Variants in CHIC1 observed in about 807,000 individuals in gnomAD.
CHIC1 encodes cysteine rich hydrophobic domain 1, also known as cysteine-rich hydrophobic domain-containing protein 1.
Under a neutral mutation model 18.5 loss-of-function variants are expected in CHIC1, and 7 were observed. The observed-to-expected ratio is 0.38, with a 90% CI of 0.22 to 0.71. CHIC1 has a LOEUF of 0.71. Ranked by LOEUF, CHIC1 falls within the 30% of genes least tolerant of loss-of-function variation. CHIC1 has a pLI of 0.49. For synonymous variants in CHIC1, 77 were observed against 73.5 expected, an observed-to-expected ratio of 1.05 and a Z score of -0.25; for missense variants, 159 against 176.9, an observed-to-expected ratio of 0.90 and a Z score of 0.57.
rs1271474761 is a variant in CHIC1, at chrX:73,682,090, AAGAG to A, written c.*1091_*1094del. On this transcript the variant is annotated 3_prime_UTR_variant, in exon 6 of 6. Transcript: ENST00000373502. ...GCAGTTCTGATATTCTAGTTTGAGAAAGAGAGAGAACTATTTGAGAAGCTGTAGC... is the reference window on the plus strand; with the variant it reads ...GCAGTTCTGATATTCTAGTTTGAGAAAGAGAACTATTTGAGAAGCTGTAGC... The A allele has an allele frequency of 2.7e-5, 3 of 111,543 alleles. No individual in the cohort carries two copies. Among genetic ancestry groups the A allele is most frequent in the South Asian group, 3.7e-4 (1 of 2,710 alleles). The allele number at this position is 111,543 out of a possible 1,213,427, so 9.2% of individuals were successfully genotyped here. A position where few individuals can be genotyped will look rare whatever the true frequency, so the allele number is the denominator to read the frequency against.
At chrX:73,676,884 T>A (rs1332260254) in intron 3 of CHIC1, among the ~76,000 whole-genome samples, 1 of 111,651 alleles carries the variant, frequency 9.0e-6, no homozygotes, top group Non-Finnish European at 1.9e-5. Flanking sequence ...TGGTCTTTGA[T>A]GATGGTCACG....
intron 3 of CHIC1, among the ~76,000 whole-genome samples, chrX:73,589,539 ATGT>A (rs201207039): frequency 0.15 from 16,190 of 110,020 alleles, 988 homozygotes; most frequent in Non-Finnish European, 0.16. Context: ...CTCCCCTTTT[ATGT>A]TGTTGTTATC....
intron 3 of CHIC1, among the ~76,000 whole-genome samples, chrX:73,630,649 G>A (rs752469905): frequency 1.8e-5 from 2 of 111,622 alleles, no homozygotes; most frequent in South Asian, 7.5e-4. Flanking sequence ...CTGATATTGT[G>A]TTCAAGATTT....
chrX:73,685,078 T>G lies in CHIC1; in HGVS notation c.*4073T>G, dbSNP rs1181519980. The G allele has an allele frequency of 9.0e-6, 1 of 111,667 alleles. No individual in the cohort carries two copies. Among genetic ancestry groups the G allele is most frequent in the African/African-American group, 3.2e-5 (1 of 30,794 alleles). 9.2% of individuals were successfully genotyped at this position (111,667 alleles called of 1,213,427 possible). On this transcript the variant is annotated 3_prime_UTR_variant, in exon 6 of 6. Transcript: ENST00000373502. The stretch of plus-strand genomic sequence containing the variant: ...CAAAAAATTAGAGATCACTTAACAT[T>G]CTGTGATTCAAGGAATTCTTAGGAC...
chrX:73,647,454 C>A (rs1162804257), intron 3 of CHIC1, among the ~76,000 whole-genome samples: 1 of 112,037 alleles, frequency 8.9e-6, no homozygotes, highest in African/African-American at 3.2e-5. Flanking sequence ...CTGCCTAACA[C>A]ACTAAGCTCC....
At chrX:73,568,808 G>C (rs2147536465) in intron 1 of CHIC1, among the ~76,000 whole-genome samples, 1 of 111,458 alleles carries the variant, frequency 9.0e-6, no homozygotes, top group African/African-American at 3.2e-5. Context: ...AATTGAAAAA[G>C]ATGGCCAATT....
At chrX:73,644,640 G>T (rs2147603517) in intron 3 of CHIC1, among the ~76,000 whole-genome samples, 1 of 112,385 alleles carries the variant, frequency 8.9e-6, no homozygotes, top group South Asian at 3.7e-4. Flanking sequence ...CAGACTGCTG[G>T]GCTAGCAATG....
chrX:73,584,344 A>G (rs1265782597), intron 2 of CHIC1, 73 bp from the exon 3 acceptor site: 12 of 876,201 alleles, frequency 1.4e-5, no homozygotes, highest in East Asian at 1.0e-4. Context: ...TTTGTAATAA[A>G]TGTTTTTCTT....
intron 3 of CHIC1, among the ~76,000 whole-genome samples, chrX:73,605,428 G>T (rs1001260051): frequency 9.3e-6 from 1 of 107,090 alleles, no homozygotes; most frequent in African/African-American, 3.7e-5. Context: ...CACATGGATG[G>T]GTCCTTACTC....
intron 3 of CHIC1, among the ~76,000 whole-genome samples, chrX:73,630,087 T>C (rs1275811477): frequency 8.9e-6 from 1 of 112,055 alleles, no homozygotes; most frequent in Non-Finnish European, 1.9e-5. Context: ...ACACAACTGT[T>C]TTTGTATGTT....
intron 3 of CHIC1, among the ~76,000 whole-genome samples, chrX:73,631,804 G>A (rs1461507477): frequency 9.0e-6 from 1 of 111,658 alleles, no homozygotes; most frequent in Non-Finnish European, 1.9e-5. Flanking sequence ...CATTGGTTGT[G>A]CAGAAGTATC....
At chrX:73,680,732 A>T (rs1481612280) in intron 5 of CHIC1, among the ~76,000 whole-genome samples, 1 of 111,212 alleles carries the variant, frequency 9.0e-6, no homozygotes, top group Non-Finnish European at 1.9e-5. Flanking sequence ...TCTGTTAGCT[A>T]CAATAAGTAG....
intron 3 of CHIC1, among the ~76,000 whole-genome samples, chrX:73,644,908 C>G (rs2057880557): frequency 8.9e-6 from 1 of 112,175 alleles, no homozygotes; most frequent in Admixed American, 9.4e-5. Flanking sequence ...ACTCCCTGAC[C>G]CCTTGCACTT....
chrX:73,643,723 T>A (rs889994177), intron 3 of CHIC1, among the ~76,000 whole-genome samples: 8 of 112,148 alleles, frequency 7.1e-5, no homozygotes, highest in Non-Finnish European at 1.5e-4. Context: ...CTCCATCAAC[T>A]CCTTTAAGGA....
chrX:73,679,251 A>G (rs2147633783), intron 3 of CHIC1, 75 bp from the exon 4 acceptor site: 2 of 633,414 alleles, frequency 3.2e-6, no homozygotes, highest in East Asian at 6.7e-5. Flanking sequence ...ACAAGTAGGC[A>G]GAAAAATATA....
Position 73,685,757 on chromosome X carries a change from A to G in CHIC1, c.*4752A>G, listed in dbSNP as rs1334673857. 9.0e-6 allele frequency: 1 copy of G among 111,509 alleles called. No homozygotes were observed. Among genetic ancestry groups the G allele is most frequent in the Non-Finnish European group, 1.9e-5 (1 of 52,883 alleles). 9.2% of individuals were successfully genotyped at this position (111,509 alleles called of 1,213,427 possible). ...AAATAGATTTCTTTAAATCCATGCT[A>G]TGTTTTCTTTTTCAGTCAGGTCCTA... is the stretch of plus-strand genomic sequence containing the variant. On this transcript the variant is annotated 3_prime_UTR_variant, in exon 6 of 6. Transcript: ENST00000373502.
At chrX:73,577,287 G>A (rs576773672) in intron 1 of CHIC1, 120 bp from the exon 2 acceptor site, 5 of 433,611 alleles carry the variant, frequency 1.2e-5, no homozygotes, top group African/African-American at 1.0e-4. Flanking sequence ...ATTTTTCAGG[G>A]CACATTTTTA....
chrX:73,654,356 C>T (rs139886980), intron 3 of CHIC1, among the ~76,000 whole-genome samples: 50 of 111,701 alleles, frequency 4.5e-4, no homozygotes, highest in East Asian at 2.0e-3. Context: ...GTGTATGTTG[C>T]GCTATCCTTA....
At chrX:73,644,007 T>C (rs1178373184) in intron 3 of CHIC1, among the ~76,000 whole-genome samples, 1 of 111,689 alleles carries the variant, frequency 9.0e-6, no homozygotes, top group Non-Finnish European at 1.9e-5. Context: ...TTTATCTACT[T>C]TTGGTCTTTG....
Sources: gnomAD v4.1 joint callset for allele counts (sites outside exome capture counted in the v4.1 genomes callset) on GRCh38, gnomAD v4.1.1 for gene constraint, MANE v1.5 for transcripts, NCBI Gene and HGNC (gene_info 2026-07-23, HGNC 2026-07-21) for gene names.